Variants in GRIK2 observed in about 807,000 individuals in gnomAD.
The protein encoded by GRIK2 is glutamate receptor ionotropic, kainate 2.
Under a neutral mutation model 100.3 loss-of-function variants are expected in GRIK2, and 32 were observed. The observed-to-expected ratio is 0.32, with a 90% CI of 0.24 to 0.43. The LOEUF (loss-of-function observed/expected upper bound fraction) is 0.43. GRIK2 is among the 20% of genes least tolerant of loss of function. GRIK2 has a pLI of 1.00. For missense variants in GRIK2, 843 were observed against 1,114.9 expected (o/e 0.76, Z 3.47); for synonymous variants, 417 against 389.4 (o/e 1.07, Z -0.83).
chr6:101,700,800 A>G (rs1772839914), intron 7 of GRIK2, among the ~76,000 whole-genome samples: 1 of 152,154 alleles, frequency 6.6e-6, no homozygotes, highest in Non-Finnish European at 1.5e-5. Context: ...ACACTCCAGC[A>G]GGTAGCAGGC....
chr6:101,525,390 A>G (rs1775100327), intron 2 of GRIK2, among the ~76,000 whole-genome samples: 1 of 152,190 alleles, frequency 6.6e-6, no homozygotes, highest in Non-Finnish European at 1.5e-5. Context: ...CTAAGGTTTC[A>G]GTATTCTGAT....
rs60775585 is a variant in GRIK2, at chr6:101,866,900, T to TTGTGTGTG, written c.1524+7418_1524+7425dup. Among the ~76,000 whole-genome samples, 384 of 149,426 alleles carry TTGTGTGTG rather than the reference T, an allele frequency of 2.6e-3. 3 individuals are homozygous for TTGTGTGTG. Among genetic ancestry groups the TTGTGTGTG allele is most frequent in the African/African-American group, 8.9e-3 (364 of 40,924 alleles). On this transcript the variant is annotated intron_variant, in intron 11 of 16. Coordinates refer to ENST00000369134, the MANE Select transcript of GRIK2 (RefSeq NM_021956.5). ...GCTAAGACTTTATCTCTTAATTTCATTGTGTGTGTGTGTGTGTGAATGTGT... is the reference window on the plus strand; with the variant it reads ...GCTAAGACTTTATCTCTTAATTTCATTGTGTGTGTGTGTGTGTGTGTGTGTGAATGTGT...
At chr6:101,607,283 A>T (rs1178426077) in intron 2 of GRIK2, among the ~76,000 whole-genome samples, 1 of 151,988 alleles carries the variant, frequency 6.6e-6, no homozygotes, top group African/African-American at 2.4e-5. Context: ...ACAGGATTGG[A>T]CGAGGCACAA....
At chr6:101,414,958 GTGTGTA>G (rs1776054490) in intron 2 of GRIK2, among the ~76,000 whole-genome samples, 1 of 132,106 alleles carries the variant, frequency 7.6e-6, no homozygotes, top group Non-Finnish European at 1.6e-5. Context: ...GTGTGTGTGT[GTGTGTA>G]TGTGTGTGTG....
intron 4 of GRIK2, among the ~76,000 whole-genome samples, chr6:101,630,669 G>T (rs1021029449): frequency 3.9e-5 from 6 of 152,022 alleles, no homozygotes; most frequent in African/African-American, 1.4e-4. Context: ...TTTAATGATA[G>T]AATTCAGCAA....
intron 7 of GRIK2, among the ~76,000 whole-genome samples, chr6:101,765,030 A>C (rs760301342): frequency 6.6e-6 from 1 of 152,032 alleles, no homozygotes; most frequent in Non-Finnish European, 1.5e-5. Flanking sequence ...TCAGCTTCTC[A>C]ACACTGTCTT....
chr6:102,051,121 A>G (rs182355808), intron 15 of GRIK2, among the ~76,000 whole-genome samples: 3 of 152,278 alleles, frequency 2.0e-5, no homozygotes, highest in East Asian at 3.9e-4. Flanking sequence ...CTGTCATTGT[A>G]TGTCACTTGA....
intron 7 of GRIK2, among the ~76,000 whole-genome samples, chr6:101,791,723 C>T (rs1206765108): frequency 1.3e-5 from 2 of 152,068 alleles, no homozygotes; most frequent in South Asian, 2.1e-4. Flanking sequence ...GCTATTAGGT[C>T]CGCTTGGTGC....
intron 14 of GRIK2, among the ~76,000 whole-genome samples, chr6:101,982,786 C>T (rs1398143481): frequency 6.6e-6 from 1 of 151,550 alleles, no homozygotes; most frequent in African/African-American, 2.4e-5. Flanking sequence ...GCACCACTTA[C>T]ATAAGCCCTC....
At chr6:102,014,082 G>C (rs1286357095) in intron 14 of GRIK2, among the ~76,000 whole-genome samples, 1 of 152,068 alleles carries the variant, frequency 6.6e-6, no homozygotes, top group Non-Finnish European at 1.5e-5. Flanking sequence ...TGGTTGACAG[G>C]CTACTTATTA....
chr6:102,024,415 G>A lies in GRIK2; in HGVS notation c.2086-10926G>A, dbSNP rs73763641. On this transcript the variant is annotated intron_variant, in intron 14 of 16. Transcript: ENST00000369134. ...AAATTGGCAAACACTACAAATCAGG[G>A]CAAGTCTCCCTTTTCCAGAGAGACA... 8.6e-3 allele frequency among the ~76,000 whole-genome samples: 1,297 copies of A among 151,344 alleles called. 21 individuals are homozygous for A. The highest frequency in any genetic ancestry group is 0.03 in the African/African-American group (1,256 of 41,378).
intron 9 of GRIK2, among the ~76,000 whole-genome samples, chr6:101,815,717 G>GT (rs1400885565): frequency 1.3e-5 from 2 of 152,012 alleles, no homozygotes; most frequent in Admixed American, 6.6e-5. Context: ...CTTTGTCCAT[G>GT]TTTTTTGCCA....
chr6:101,436,257 A>C (rs989587787), intron 2 of GRIK2, among the ~76,000 whole-genome samples: 47 of 152,030 alleles, frequency 3.1e-4, no homozygotes, highest in Admixed American at 2.0e-3. Context: ...AGTTCAAGTT[A>C]TTTTTTCAAA....
rs200511154 is a variant in GRIK2 at position 101,466,902 on chromosome 6, A to G, written c.115+67510A>G. On this transcript the variant is annotated intron_variant, in intron 2 of 16. Coordinates refer to ENST00000369134, the MANE Select transcript of GRIK2 (RefSeq NM_021956.5). ...CTTTGTGACTGATGAGACTTAAAGG[A>G]TGGATGAATTTTAAAGGTGTTCATT... 9.8e-5 allele frequency among the ~76,000 whole-genome samples: 15 copies of G among 152,306 alleles called. No individual in the cohort carries two copies. In the East Asian group the frequency reaches 2.3e-3, roughly 24 times the overall value.
intron 2 of GRIK2, among the ~76,000 whole-genome samples, chr6:101,551,954 G>A (rs1776532957): frequency 6.6e-6 from 1 of 152,158 alleles, no homozygotes; most frequent in South Asian, 2.1e-4. Flanking sequence ...GCATAGTGCT[G>A]ACCTAAGGCA....
chr6:101,494,621 C>A (rs1773325754), intron 2 of GRIK2, among the ~76,000 whole-genome samples: 1 of 151,740 alleles, frequency 6.6e-6, no homozygotes, highest in Non-Finnish European at 1.5e-5. Context: ...CATTTAAAAA[C>A]ACAATACTTC....
chr6:101,810,513 T>A (rs1324750811), intron 9 of GRIK2, among the ~76,000 whole-genome samples: 1 of 152,086 alleles, frequency 6.6e-6, no homozygotes, highest in African/African-American at 2.4e-5. Context: ...CTTTGCCCTA[T>A]CCTTATAGGC....
At chr6:101,718,187 T>G (rs1774202494) in intron 7 of GRIK2, among the ~76,000 whole-genome samples, 1 of 151,822 alleles carries the variant, frequency 6.6e-6, no homozygotes. Flanking sequence ...TGTTGGCAAT[T>G]TCACTTATCT....
At chr6:101,889,514 G>A in intron 11 of GRIK2, 126 bp from the exon 12 acceptor site, 1 of 587,576 alleles carries the variant, frequency 1.7e-6, no homozygotes, top group South Asian at 2.3e-5. Flanking sequence ...TCGTTACTGA[G>A]GCAATTAAGT....
Sources: gnomAD v4.1 joint callset for allele counts (sites outside exome capture counted in the v4.1 genomes callset) on GRCh38, gnomAD v4.1.1 for gene constraint, MANE v1.5 for transcripts, NCBI Gene and HGNC (gene_info 2026-07-23, HGNC 2026-07-21) for gene names.